Variants in SORBS2 observed in about 807,000 individuals in gnomAD.
SORBS2 encodes the protein sorbin and SH3 domain-containing protein 2.
In SORBS2, 46 loss-of-function variants were observed where a neutral mutation model predicts 97.7. The observed-to-expected ratio is 0.47, with a 90% confidence interval of 0.37 to 0.60. The LOEUF (loss-of-function observed/expected upper bound fraction) is 0.60. Ranked by LOEUF, SORBS2 falls within the 20% of genes least tolerant of loss-of-function variation. The probability of loss-of-function intolerance (pLI) is 0.00; values close to 1 mark genes in which losing one functional copy is unlikely to be tolerated. For synonymous variants in SORBS2, 476 were observed against 473.4 expected (o/e 1.01, Z -0.07); for missense variants, 1,316 against 1,282.3 (o/e 1.03, Z -0.40).
chr4:185,611,826 G>T, exon 12 of SORBS2: 1 of 1,614,054 alleles, frequency 6.2e-7, no homozygotes, highest in South Asian at 1.1e-5. Flanking sequence ...ATAGCTGTGG[G>T]GTATTGGAGG....
chr4:185,679,151 G>T (rs923295209), intron 2 of SORBS2, among the ~76,000 whole-genome samples: 1 of 152,118 alleles, frequency 6.6e-6, no homozygotes, highest in Non-Finnish European at 1.5e-5. Context: ...GATCAAAAGA[G>T]ATCTGGTTTA....
At position 185,911,589 on chromosome 4, in the gene SORBS2, T is replaced by C. The variant is rs1489786837; in HGVS notation, c.-338+44607A>G. On this transcript the variant is annotated intron_variant, in intron 1 of 20. Transcript: ENST00000284776. The stretch of plus-strand genomic sequence containing the variant: ...ATACACTTAACCGCACTTTAATGGT[T>C]CTAAGATACACATTTTAACATCTAA... 2.6e-5 allele frequency among the ~76,000 whole-genome samples: 4 copies of C among 152,222 alleles called. No individual in the cohort carries two copies. The East Asian group carries it at 5.8e-4, about 22-fold the overall frequency.
At chr4:185,703,281 T>G (rs1397731331) in intron 2 of SORBS2, among the ~76,000 whole-genome samples, 1 of 152,244 alleles carries the variant, frequency 6.6e-6, no homozygotes, top group African/African-American at 2.4e-5. Flanking sequence ...TTTTCATTAA[T>G]TTTTAAAGCT....
At position 185,806,515 on chromosome 4, in the gene SORBS2, T is replaced by C. The variant is rs1167694350; in HGVS notation, c.-337-31149A>G. Among the ~76,000 whole-genome samples the C allele has an allele frequency of 4.3e-5, 6 of 139,658 alleles. 1 individual carries two copies. Among genetic ancestry groups the C allele is most frequent in the Non-Finnish European group, 3.0e-5 (2 of 65,788 alleles). 91.6% of individuals were successfully genotyped at this position (139,658 alleles called of 152,430 possible). A position where few individuals can be genotyped will look rare whatever the true frequency, so the allele number is the denominator to read the frequency against. On this transcript the variant is annotated intron_variant, in intron 1 of 20. Coordinates refer to the SORBS2 transcript ENST00000284776. ...CTCTGTCGCCCAGGCTGGAGTGCAG[T>C]GGCGGGATCTCGGCTCACTGCAAGC...
In SORBS2 at chr4:185,769,770, G is replaced by A. The variant is rs974737654; in HGVS notation, c.-198+5457C>T. Among the ~76,000 whole-genome samples, 16 of 152,296 alleles carry A rather than the reference G, an allele frequency of 1.1e-4. 1 individual carries two copies. In the East Asian group the frequency reaches 1.4e-3, roughly 13 times the overall value. On this transcript the variant is annotated intron_variant, in intron 2 of 20. Coordinates refer to the SORBS2 transcript ENST00000284776. ...CTCCGAAAGTGCTGGGATTGTAGGC[G>A]TGAGCCACTGTGCCCAGCCTAATAC...
At chr4:185,605,648 G>A (rs926877867) in intron 12 of SORBS2, among the ~76,000 whole-genome samples, 27 of 147,308 alleles carry the variant, frequency 1.8e-4, no homozygotes, top group Admixed American at 2.0e-4. Flanking sequence ...GCACTGGCAC[G>A]ATCTCAGCTC....
At chr4:185,794,177 AT>A (rs962709722) in intron 1 of SORBS2, among the ~76,000 whole-genome samples, 1 of 152,208 alleles carries the variant, frequency 6.6e-6, no homozygotes, top group African/African-American at 2.4e-5. Context: ...GTCACTTCAA[AT>A]TGTTTTTTGG....
intron 2 of SORBS2, among the ~76,000 whole-genome samples, chr4:185,719,934 CTTGTT>C (rs2098498864): frequency 6.6e-6 from 1 of 152,190 alleles, no homozygotes; most frequent in South Asian, 2.1e-4. Context: ...TTCAGTTTCC[CTTGTT>C]TTATCACCAA....
intron 1 of SORBS2, among the ~76,000 whole-genome samples, chr4:185,949,141 C>T (rs2099275972): frequency 6.6e-6 from 1 of 151,980 alleles, no homozygotes; most frequent in Non-Finnish European, 1.5e-5. Flanking sequence ...CATATAATGG[C>T]AAACATTGAG....
At chr4:185,688,346 GGATA>G (rs1278538831) in intron 2 of SORBS2, among the ~76,000 whole-genome samples, 1 of 151,746 alleles carries the variant, frequency 6.6e-6, no homozygotes, top group Non-Finnish European at 1.5e-5. Flanking sequence ...TTGATATATT[GGATA>G]GATATATCTA....
At chr4:185,706,975 T>G (rs982307610) in intron 2 of SORBS2, among the ~76,000 whole-genome samples, 2 of 152,176 alleles carry the variant, frequency 1.3e-5, no homozygotes, top group Non-Finnish European at 2.9e-5. Flanking sequence ...TAAACACGTA[T>G]GTACATGTTT....
At chr4:185,836,705 A>C (rs1262266871) in intron 1 of SORBS2, among the ~76,000 whole-genome samples, 1 of 152,208 alleles carries the variant, frequency 6.6e-6, no homozygotes, top group Admixed American at 6.5e-5. Context: ...AGAGCTTGAC[A>C]CTACACTGTG....
At chr4:185,712,155 T>C (rs778009601) in intron 2 of SORBS2, among the ~76,000 whole-genome samples, 2 of 152,142 alleles carry the variant, frequency 1.3e-5, no homozygotes, top group African/African-American at 4.8e-5. Context: ...CGCTAAAATG[T>C]TGCCTTTCCT....
chr4:185,711,248 C>T (rs1221746953), intron 2 of SORBS2, among the ~76,000 whole-genome samples: 1 of 152,150 alleles, frequency 6.6e-6, no homozygotes, highest in Non-Finnish European at 1.5e-5. Flanking sequence ...ATCTCAGCCT[C>T]TCAAAGTGCT....
chr4:185,662,593 T>A (rs2153475590), intron 4 of SORBS2, among the ~76,000 whole-genome samples: 1 of 152,292 alleles, frequency 6.6e-6, no homozygotes, highest in African/African-American at 2.4e-5. Context: ...AGTCGTAACA[T>A]CAGCAATCAG....
chr4:185,931,976 C>A (rs1399162966), intron 1 of SORBS2, among the ~76,000 whole-genome samples: 2 of 119,734 alleles, frequency 1.7e-5, no homozygotes, highest in Non-Finnish European at 3.5e-5. Flanking sequence ...AGGGAAGAAC[C>A]TGTCTCTCTC....
intron 6 of SORBS2, 34 bp from the exon 19 acceptor site, chr4:185,624,528 C>T (rs1341077746): frequency 1.9e-6 from 3 of 1,555,102 alleles, no homozygotes; most frequent in Admixed American, 1.9e-5. Flanking sequence ...AGAAGAGAGA[C>T]ATTTGGAGAA....
chr4:185,782,603 A>C (rs2153636520), intron 1 of SORBS2, among the ~76,000 whole-genome samples: 1 of 152,366 alleles, frequency 6.6e-6, no homozygotes, highest in South Asian at 2.1e-4. Flanking sequence ...ATATAAAGTA[A>C]CACATCAACC....
exon 12 of SORBS2, chr4:185,611,862 G>A: frequency 1.2e-6 from 2 of 1,614,032 alleles, no homozygotes; most frequent in South Asian, 2.2e-5. Context: ...AGCACCTTTT[G>A]TGTTCTTCTT....
Sources: allele counts gnomAD v4.1 joint callset (sites outside exome capture counted in the v4.1 genomes callset), GRCh38; gene constraint gnomAD v4.1.1; transcripts MANE v1.5; gene names NCBI Gene and HGNC (gene_info 2026-07-23, HGNC 2026-07-21).